The following DHX40 variants were observed in gnomAD, a reference collection of about 807,000 sequenced individuals.
The protein encoded by DHX40 is DEAH-box helicase 40.
DHX40 carries 28 observed loss-of-function variants against 89.6 expected under a neutral mutation model. The observed-to-expected ratio is 0.31, with a 90% CI of 0.23 to 0.43. The LOEUF (loss-of-function observed/expected upper bound fraction) is 0.43. Ranked by LOEUF, DHX40 falls within the 20% of genes least tolerant of loss-of-function variation. DHX40 has a pLI of 1.00. For synonymous variants in DHX40, 226 were observed against 283.6 expected, an observed-to-expected ratio of 0.80 and a Z score of 2.04; for missense variants, 457 against 844.0, an observed-to-expected ratio of 0.54 and a Z score of 5.68.
At position 59,565,621 on chromosome 17, in the gene DHX40, C is replaced by G. The variant is rs764348406; in HGVS notation, c.-51C>G. On this transcript the variant is annotated 5_prime_UTR_variant, in exon 1 of 18. Transcript: ENST00000251241. ...CAGGGCGCGTCCTCGTCTTTCCCCTCCCATCTCCTCAGATCGGTGGACGTG... is the reference window on the plus strand; with the variant it reads ...CAGGGCGCGTCCTCGTCTTTCCCCTGCCATCTCCTCAGATCGGTGGACGTG... 34 of 1,525,272 alleles carry G rather than the reference C, an allele frequency of 2.2e-5. 1 individual carries two copies. The South Asian group carries it at 4.0e-4, about 18-fold the overall frequency. 94.5% of individuals were successfully genotyped at this position (1,525,272 alleles called of 1,614,324 possible).
intron 15 of DHX40, 101 bp downstream of exon 15, chr17:59,602,717 C>T (rs571234999): frequency 9.7e-7 from 1 of 1,027,874 alleles, no homozygotes; most frequent in East Asian, 2.7e-5. Flanking sequence ...GATTTAAGCT[C>T]TGTGATGATT....
chr17:59,568,412 T>A (rs2143190661), intron 2 of DHX40, among the ~76,000 whole-genome samples: 1 of 152,276 alleles, frequency 6.6e-6, no homozygotes, highest in Admixed American at 6.5e-5. Flanking sequence ...TCTATTAAGA[T>A]ATATCACTAT....
intron 11 of DHX40, among the ~76,000 whole-genome samples, chr17:59,587,206 T>C (rs998567102): frequency 1.6e-4 from 22 of 140,696 alleles, no homozygotes; most frequent in Admixed American, 5.6e-4. Flanking sequence ...TATTCTCTCA[T>C]GTCTTCAAAG....
Position 59,570,423 on chromosome 17 carries a change from C to G in DHX40, c.281-95C>G, listed in dbSNP as rs902192459. ...TGCGAGATATTCTTTTGGAAACATTCAAGCAGTTTTGTGTTGATTGGCCAA... is the reference window on the plus strand; with the variant it reads ...TGCGAGATATTCTTTTGGAAACATTGAAGCAGTTTTGTGTTGATTGGCCAA... On this transcript the variant is annotated intron_variant, in intron 2 of 17. Transcript: ENST00000251241. The G allele has an allele frequency of 4.9e-6, 6 of 1,233,742 alleles. No homozygotes were observed. In the African/African-American group the frequency reaches 7.8e-5, roughly 16 times the overall value. The allele number at this position is 1,233,742 out of a possible 1,614,324, so 76.4% of individuals were successfully genotyped here.
At chr17:59,588,957 G>C (rs963971362) in intron 12 of DHX40, among the ~76,000 whole-genome samples, 1 of 152,072 alleles carries the variant, frequency 6.6e-6, no homozygotes, top group African/African-American at 2.4e-5. Flanking sequence ...CTGTTGAAAT[G>C]CCTTCGCTTC....
chr17:59,594,072 A>T (rs2049117795), intron 12 of DHX40, among the ~76,000 whole-genome samples: 1 of 152,210 alleles, frequency 6.6e-6, no homozygotes, highest in Non-Finnish European at 1.5e-5. Flanking sequence ...CAAGGAGTCG[A>T]GGCTCAGACA....
intron 2 of DHX40, among the ~76,000 whole-genome samples, chr17:59,568,973 C>T (rs2048747763): frequency 2.0e-5 from 3 of 152,064 alleles, no homozygotes; most frequent in African/African-American, 7.2e-5. Context: ...AGTAGCCAGG[C>T]TCCTGAGTAG....
chr17:59,606,168 C>T (rs2030839762), intron 17 of DHX40, among the ~76,000 whole-genome samples: 1 of 151,934 alleles, frequency 6.6e-6, no homozygotes. Context: ...GCCTCAGCCT[C>T]CTGAGTAGCT....
chr17:59,573,219 A>G lies in DHX40; in HGVS notation c.530A>G (p.Glu177Gly), dbSNP rs2048835112. 6.2e-7 allele frequency: 1 copy of G among 1,612,246 alleles called. No homozygotes were observed. The highest frequency in any genetic ancestry group is 1.1e-5 in the South Asian group (1 of 90,644). Residue 177 changes from glutamate (E) to glycine (G), a missense_variant, in exon 4 of 18, where the codon GAA (glutamate) becomes GGA (glycine). By Grantham distance (98) the Glu-to-Gly change is moderately conservative. Around this residue, in one of 9 missense-constraint regions of DHX40, gnomAD observed 9 missense variants for 44.4 expected, o/e 0.20. Coordinates refer to ENST00000251241, the MANE Select transcript of DHX40 (RefSeq NM_024612.5). ...FSVIILDEAH[E>G]RTLTTDILFG... Reference sequence around the variant, plus strand: ...GTCATTATTTTGGATGAAGCCCATGAAAGAACTCTAACTACAGTGAGTATT... The same window carrying G: ...GTCATTATTTTGGATGAAGCCCATGGAAGAACTCTAACTACAGTGAGTATT...
chr17:59,572,335 C>G lies in DHX40; in HGVS notation c.427-781C>G, dbSNP rs551422153. 2.8e-4 allele frequency among the ~76,000 whole-genome samples: 43 copies of G among 152,142 alleles called. 2 individuals carry two copies. The highest frequency in any genetic ancestry group is 1.0e-3 in the African/African-American group (42 of 41,508). On this transcript the variant is annotated intron_variant, in intron 3 of 17. Coordinates refer to ENST00000251241, the MANE Select transcript of DHX40 (RefSeq NM_024612.5). Reference sequence around the variant, plus strand: ...TTTATGGATGTCGTTGCTGTTATTCCTACCCTTTGGACCTTTTTCTCACCC... The same window carrying G: ...TTTATGGATGTCGTTGCTGTTATTCGTACCCTTTGGACCTTTTTCTCACCC...
At chr17:59,595,089 T>A (rs538724986) in intron 12 of DHX40, among the ~76,000 whole-genome samples, 1 of 74,920 alleles carries the variant, frequency 1.3e-5, no homozygotes, top group Non-Finnish European at 2.6e-5. Flanking sequence ...TTGTTTTTTG[T>A]TTTTTTTTTT....
rs770002871 is a variant in DHX40 at position 59,577,167 on chromosome 17, C to T, written c.974-99C>T. 6.9e-6 allele frequency: 7 copies of T among 1,020,774 alleles called. No individual in the cohort carries two copies. In the South Asian group the frequency reaches 9.3e-5, roughly 14 times the overall value. 63.2% of individuals were successfully genotyped at this position (1,020,774 alleles called of 1,614,324 possible). A position where few individuals can be genotyped will look rare whatever the true frequency, so the allele number is the denominator to read the frequency against. On this transcript the variant is annotated intron_variant, in intron 7 of 17. Coordinates refer to ENST00000251241, the MANE Select transcript of DHX40 (RefSeq NM_024612.5). ...TACAGGCGTGAGTCACCACGCCCGG[C>T]CTAGAAACATGACTTGTAATGAAAA...
chr17:59,586,344 A>T (rs2048996696), intron 11 of DHX40, 111 bp downstream of exon 11: 3 of 954,342 alleles, frequency 3.1e-6, no homozygotes, highest in Non-Finnish European at 4.7e-6. Flanking sequence ...AATTGAATGG[A>T]TTGTTAGTCT....
chr17:59,570,291 AT>A (rs995188394), intron 2 of DHX40, among the ~76,000 whole-genome samples: 1 of 133,208 alleles, frequency 7.5e-6, no homozygotes, highest in Admixed American at 8.6e-5. Flanking sequence ...TATTATATAT[AT>A]TTATATATTA....
intron 7 of DHX40, 24 bp from the exon 8 acceptor site, chr17:59,577,242 A>T: frequency 6.3e-7 from 1 of 1,583,298 alleles, no homozygotes; most frequent in Non-Finnish European, 8.7e-7. Context: ...GTAAATTGGT[A>T]TTTTCTTTTT....
intron 14 of DHX40, among the ~76,000 whole-genome samples, chr17:59,601,315 A>C (rs1021919706): frequency 1.3e-5 from 2 of 152,086 alleles, no homozygotes; most frequent in Non-Finnish European, 2.9e-5. Context: ...ACTCAAAACA[A>C]AAACAAAAAA....
chr17:59,565,739 A>T lies in DHX40; in HGVS notation c.68A>T (p.Asp23Val), dbSNP rs888954549. The change falls in exon 1 of 18, where the codon GAC (aspartate) becomes GTC (valine). Residue 23 changes from aspartate to valine, a missense_variant. Coordinates refer to ENST00000251241, the MANE Select transcript of DHX40 (RefSeq NM_024612.5). ...CAGGAGGAGGGTGAGCGGTCAAGAG[A>T]CCTCCAGGAAGAGCGGCTCTCGGCT... ...RRQEEGERSR[D>V]LQEERLSAVC... 1 of 1,604,392 alleles carries T rather than the reference A, an allele frequency of 6.2e-7. No individual in the cohort carries two copies. The highest frequency in any genetic ancestry group is 8.5e-7 in the Non-Finnish European group (1 of 1,179,238).
At chr17:59,570,326 G>T (rs1598137090) in intron 2 of DHX40, among the ~76,000 whole-genome samples, 192 bp from the exon 3 acceptor site, 2 of 135,272 alleles carry the variant, frequency 1.5e-5, no homozygotes, top group African/African-American at 2.8e-5. Flanking sequence ...TTTTTGCATG[G>T]TTATTAATAT....
At chr17:59,576,858 C>G (rs2697405) in intron 7 of DHX40, among the ~76,000 whole-genome samples, 1,592 of 151,130 alleles carry the variant, frequency 0.011, 23 homozygotes, top group African/African-American at 0.035. Flanking sequence ...TGGATTTTCT[C>G]TTGCCTCTGT....
Sources: allele counts gnomAD v4.1 joint callset (sites outside exome capture counted in the v4.1 genomes callset), GRCh38; gene constraint gnomAD v4.1.1; regional missense constraint gnomAD v4.1.1; transcripts MANE v1.5; gene names NCBI Gene and HGNC (gene_info 2026-07-23, HGNC 2026-07-21).